Variants in SNTG1 observed in about 807,000 individuals in gnomAD.
SNTG1 encodes the protein syntrophin gamma 1, also known as gamma-1-syntrophin.
In SNTG1, 39 loss-of-function variants were observed where a neutral mutation model predicts 74.7. The ratio of observed to expected loss-of-function variants is 0.52; its 90% CI spans 0.40 to 0.68. The LOEUF is 0.68. SNTG1 is among the 30% of genes least tolerant of loss of function. The probability of loss-of-function intolerance (pLI) is 0.00; values close to 1 mark genes in which losing one functional copy is unlikely to be tolerated. For synonymous variants in SNTG1, 254 were observed against 217.1 expected (o/e 1.17, Z -1.49); for missense variants, 685 against 609.5 (o/e 1.12, Z -1.30).
chr8:50,557,831 T>A (rs1312356331), intron 12 of SNTG1, among the ~76,000 whole-genome samples: 1 of 152,238 alleles, frequency 6.6e-6, no homozygotes, highest in Non-Finnish European at 1.5e-5. Context: ...GACAGTTCTG[T>A]CTGATTTTTG....
chr8:50,713,595 G>A (rs1355889913), intron 17 of SNTG1, among the ~76,000 whole-genome samples: 1 of 152,118 alleles, frequency 6.6e-6, no homozygotes, highest in Non-Finnish European at 1.5e-5. Flanking sequence ...CGTCCTGGAT[G>A]GAATTGCCTA....
chr8:50,224,363 A>G (rs766597047), intron 2 of SNTG1, among the ~76,000 whole-genome samples: 8 of 152,182 alleles, frequency 5.3e-5, no homozygotes, highest in Non-Finnish European at 1.0e-4. Flanking sequence ...GGCTTTGTAG[A>G]TCCCACAGAT....
At chr8:50,792,202 A>G (rs2095692928) in intron 18 of SNTG1, among the ~76,000 whole-genome samples, 1 of 151,750 alleles carries the variant, frequency 6.6e-6, no homozygotes, top group Non-Finnish European at 1.5e-5. Context: ...AAGAGTTCAT[A>G]TCCCCTTACT....
At chr8:50,510,145 A>G (rs931484489) in intron 9 of SNTG1, among the ~76,000 whole-genome samples, 1 of 152,142 alleles carries the variant, frequency 6.6e-6, no homozygotes. Flanking sequence ...ATTTTGTCAA[A>G]GGCCTTTTTT....
chr8:50,769,072 T>TC (rs1278637578), intron 18 of SNTG1, among the ~76,000 whole-genome samples: 1 of 151,920 alleles, frequency 6.6e-6, no homozygotes, highest in Non-Finnish European at 1.5e-5. Context: ...ATATTTTTTC[T>TC]CCTTGCATAT....
At chr8:50,415,669 T>A (rs1297543013) in intron 4 of SNTG1, among the ~76,000 whole-genome samples, 1 of 152,168 alleles carries the variant, frequency 6.6e-6, no homozygotes, top group East Asian at 1.9e-4. Context: ...ACTTAAATTA[T>A]TTTTGTATTT....
At chr8:50,673,666 A>C (rs993042509) in intron 15 of SNTG1, among the ~76,000 whole-genome samples, 2 of 152,030 alleles carry the variant, frequency 1.3e-5, no homozygotes, top group Non-Finnish European at 2.9e-5. Context: ...AATACGCTTT[A>C]TTTCTTTCTC....
At chr8:50,433,162 A>T (rs1319476645) in intron 4 of SNTG1, among the ~76,000 whole-genome samples, 3 of 152,108 alleles carry the variant, frequency 2.0e-5, no homozygotes, top group African/African-American at 7.2e-5. Context: ...CCAATTTCTC[A>T]TTGCTGATAT....
chr8:50,309,066 T>C (rs1457237708), intron 2 of SNTG1, among the ~76,000 whole-genome samples: 1 of 152,154 alleles, frequency 6.6e-6, no homozygotes, highest in Non-Finnish European at 1.5e-5. Context: ...AAAGAGCTAA[T>C]ACTTAGAAGA....
rs536416873 is a variant in SNTG1 at position 50,508,411 on chromosome 8, C to T, written c.466+5531C>T. Reference sequence around the variant, plus strand: ...TGCATGTGTCTTTATAGCAGCATGACTTATAATCCTTTGGGTATATACCCA... The same window carrying T: ...TGCATGTGTCTTTATAGCAGCATGATTTATAATCCTTTGGGTATATACCCA... On this transcript the variant is annotated intron_variant, in intron 9 of 18. Coordinates refer to ENST00000642720, the MANE Select transcript of SNTG1 (RefSeq NM_018967.5). Among the ~76,000 whole-genome samples, 204 of 152,088 alleles carry T rather than the reference C, an allele frequency of 1.3e-3. 1 individual carries two copies. Among genetic ancestry groups the T allele is most frequent in the African/African-American group, 4.7e-3 (195 of 41,466 alleles).
At chr8:50,496,325 G>T (rs893054379) in intron 8 of SNTG1, among the ~76,000 whole-genome samples, 2 of 152,156 alleles carry the variant, frequency 1.3e-5, no homozygotes, top group Non-Finnish European at 2.9e-5. Context: ...ATCCTCACAA[G>T]CTAATCTTCC....
At position 50,042,726 on chromosome 8, in the gene SNTG1, G is replaced by A. The variant is rs946378047; in HGVS notation, c.-102-129835G>A. ...CACATGCTGACATGCCTGGCTAATT[G>A]ACTTTTTTTTTTTTTTGGTAGAGGT... On this transcript the variant is annotated intron_variant, in intron 1 of 18. Transcript: ENST00000642720. Among the ~76,000 whole-genome samples, 6 of 150,752 alleles carry A rather than the reference G, an allele frequency of 4.0e-5. 1 individual carries two copies. Among genetic ancestry groups the A allele is most frequent in the Middle Eastern group, 6.5e-3 (2 of 308 alleles).
At chr8:50,003,748 C>A (rs1014866866) in intron 1 of SNTG1, among the ~76,000 whole-genome samples, 6 of 152,044 alleles carry the variant, frequency 3.9e-5, no homozygotes, top group Admixed American at 1.3e-4. Flanking sequence ...TGTGTTAATG[C>A]CTCTAGGGGG....
chr8:50,723,166 A>G lies in SNTG1; in HGVS notation c.1284+14188A>G, dbSNP rs2095491869. Among the ~76,000 whole-genome samples, 3 of 152,190 alleles carry G rather than the reference A, an allele frequency of 2.0e-5. No individual in the cohort carries two copies. The East Asian group carries it at 5.8e-4, about 29-fold the overall frequency. On this transcript the variant is annotated intron_variant, in intron 17 of 18. Transcript: ENST00000642720. The stretch of plus-strand genomic sequence containing the variant: ...GAGCAAGCAGGAGCTTCACAGGTCC[A>G]TGGAAAGACATGGGAAAGTAAAAAT...
At chr8:50,149,895 T>A (rs1483436661) in intron 1 of SNTG1, among the ~76,000 whole-genome samples, 2 of 152,216 alleles carry the variant, frequency 1.3e-5, no homozygotes, top group African/African-American at 2.4e-5. Context: ...TGGTTCCATA[T>A]GAACTTTAAA....
At chr8:50,354,007 G>A (rs1277230071) in intron 2 of SNTG1, among the ~76,000 whole-genome samples, 1 of 152,170 alleles carries the variant, frequency 6.6e-6, no homozygotes, top group Non-Finnish European at 1.5e-5. Flanking sequence ...GCCCTCAGCA[G>A]GGAGTTTCCC....
intron 2 of SNTG1, among the ~76,000 whole-genome samples, chr8:50,233,536 A>G (rs1222619695): frequency 6.6e-6 from 1 of 151,838 alleles, no homozygotes; most frequent in African/African-American, 2.4e-5. Flanking sequence ...CATGAACACC[A>G]GAAGCATGGT....
At chr8:50,118,224 C>T (rs148965557) in intron 1 of SNTG1, among the ~76,000 whole-genome samples, 11 of 152,162 alleles carry the variant, frequency 7.2e-5, no homozygotes, top group African/African-American at 2.6e-4. Flanking sequence ...CAGGCTTCAA[C>T]CCAAAGAGTA....
intron 2 of SNTG1, among the ~76,000 whole-genome samples, chr8:50,233,782 A>G (rs2085753981): frequency 6.6e-6 from 1 of 151,862 alleles, no homozygotes; most frequent in African/African-American, 2.4e-5. Flanking sequence ...ATGGATGGCA[A>G]ATAAGCACCT....
Sources: allele counts gnomAD v4.1 joint callset (sites outside exome capture counted in the v4.1 genomes callset), GRCh38; gene constraint gnomAD v4.1.1; transcripts MANE v1.5; gene names NCBI Gene and HGNC (gene_info 2026-07-23, HGNC 2026-07-21).